The following RPRD1A variants were observed in gnomAD, a reference collection of about 807,000 sequenced individuals.
The protein encoded by RPRD1A is regulation of nuclear pre-mRNA domain containing 1A.
In RPRD1A, 9 loss-of-function variants were observed where a neutral mutation model predicts 37.8. The observed-to-expected ratio is 0.24, with a 90% CI of 0.14 to 0.42. The LOEUF (loss-of-function observed/expected upper bound fraction) is 0.42, where lower values mean the gene tolerates loss of function less well. Ranked by LOEUF, RPRD1A falls within the 10% of genes least tolerant of loss-of-function variation. The pLI, the probability that RPRD1A is intolerant of heterozygous loss-of-function variation, is 1.00. For missense variants in RPRD1A, 255 were observed against 371.0 expected, an observed-to-expected ratio of 0.69 and a Z score of 2.57; for synonymous variants, 138 against 139.7, an observed-to-expected ratio of 0.99 and a Z score of 0.08.
intron 1 of RPRD1A, among the ~76,000 whole-genome samples, chr18:36,058,521 A>AC (rs1306399355): frequency 1.3e-5 from 2 of 152,222 alleles, no homozygotes; most frequent in East Asian, 3.8e-4. Context: ...CAAATCAACA[A>AC]CTTTTTTTAA....
At chr18:36,033,230 C>A (rs527262846) in intron 2 of RPRD1A, among the ~76,000 whole-genome samples, 21 of 136,710 alleles carry the variant, frequency 1.5e-4, no homozygotes, top group African/African-American at 5.8e-4. Context: ...TGAACCCAAG[C>A]GGCAGAGGTT....
At chr18:36,062,027 T>TA (rs2088921012) in intron 1 of RPRD1A, among the ~76,000 whole-genome samples, 1 of 152,156 alleles carries the variant, frequency 6.6e-6, no homozygotes, top group African/African-American at 2.4e-5. Context: ...GAATGTATTT[T>TA]AAAAACATGG....
Position 35,991,991 on chromosome 18 carries a change from C to T in RPRD1A, c.*1160G>A, listed in dbSNP as rs1908742761. On this transcript the variant is annotated 3_prime_UTR_variant, in exon 7 of 7. Transcript: ENST00000399022. Reference sequence around the variant, plus strand: ...TATTGAGTACAAATCCACAGCTTAACAATGTGTTTTTAACAGCAGGAGAGC... The same window carrying T: ...TATTGAGTACAAATCCACAGCTTAATAATGTGTTTTTAACAGCAGGAGAGC... 1 of 152,592 alleles carries T rather than the reference C, an allele frequency of 6.6e-6. No homozygotes were observed. The highest frequency in any genetic ancestry group is 2.4e-5 in the African/African-American group (1 of 41,440). 9.5% of individuals were successfully genotyped at this position (152,592 alleles called of 1,614,324 possible).
chr18:35,995,261 G>GTTTTTT (rs1232555714), intron 6 of RPRD1A, among the ~76,000 whole-genome samples: 5 of 109,208 alleles, frequency 4.6e-5, no homozygotes, highest in Non-Finnish European at 9.3e-5. Context: ...GCTTTTTTTC[G>GTTTTTT]TTTTTTTTTT....
intron 6 of RPRD1A, among the ~76,000 whole-genome samples, chr18:36,003,225 C>T (rs1485551424): frequency 6.6e-6 from 1 of 152,142 alleles, no homozygotes; most frequent in Non-Finnish European, 1.5e-5. Flanking sequence ...ACAGAAATCC[C>T]GCTGTGGTTT....
At position 35,991,837 on chromosome 18, in the gene RPRD1A, G is replaced by A. The variant is rs947873700; in HGVS notation, c.*1314C>T. On this transcript the variant is annotated 3_prime_UTR_variant, in exon 7 of 7. Transcript: ENST00000399022. ...AAACAATGAAGCCATTCAGACTAGA[G>A]AGACATAATTGGCTTGTGGGATTTT... The A allele has an allele frequency of 6.6e-6, 1 of 152,158 alleles. No homozygotes were observed. Among genetic ancestry groups the A allele is most frequent in the Non-Finnish European group, 1.5e-5 (1 of 68,028 alleles). The allele number at this position is 152,158 out of a possible 1,614,324, so 9.4% of individuals were successfully genotyped here. A position where few individuals can be genotyped will look rare whatever the true frequency, so the allele number is the denominator to read the frequency against.
At chr18:36,060,884 C>T (rs2088894785) in intron 1 of RPRD1A, among the ~76,000 whole-genome samples, 1 of 151,992 alleles carries the variant, frequency 6.6e-6, no homozygotes, top group African/African-American at 2.4e-5. Context: ...GTCCCAGCTA[C>T]TCGGGAGGCT....
intron 1 of RPRD1A, among the ~76,000 whole-genome samples, chr18:36,048,789 G>A (rs547196421): frequency 1.7e-4 from 26 of 152,102 alleles, no homozygotes; most frequent in Admixed American, 5.2e-4. Flanking sequence ...GTACAATAGG[G>A]CAAGAAAAGG....
intron 6 of RPRD1A, among the ~76,000 whole-genome samples, chr18:35,998,500 A>G (rs1909227955): frequency 1.3e-5 from 2 of 152,112 alleles, no homozygotes; most frequent in Admixed American, 6.5e-5. Flanking sequence ...CGTTTTCCTC[A>G]TTCAACAAGG....
rs1908756249 is a variant in RPRD1A at position 35,992,239 on chromosome 18, A to AGCT, written c.*911_*912insAGC. The AGCT allele has an allele frequency of 2.6e-5, 4 of 152,636 alleles. No homozygotes were observed. Among genetic ancestry groups the AGCT allele is most frequent in the Non-Finnish European group, 5.9e-5 (4 of 68,014 alleles). 9.5% of individuals were successfully genotyped at this position (152,636 alleles called of 1,614,324 possible). On this transcript the variant is annotated 3_prime_UTR_variant, in exon 7 of 7. Coordinates refer to ENST00000399022, the MANE Select transcript of RPRD1A (RefSeq NM_018170.5). ...ATTGTGTTCTTGAGCTATTAGAGCTAAAAGTATTATTTTTAAAGTTATATG... is the reference window on the plus strand; with the variant it reads ...ATTGTGTTCTTGAGCTATTAGAGCTAGCTAAAGTATTATTTTTAAAGTTATATG...
intron 6 of RPRD1A, among the ~76,000 whole-genome samples, chr18:36,009,790 A>C (rs1309975010): frequency 6.6e-6 from 1 of 152,206 alleles, no homozygotes; most frequent in Non-Finnish European, 1.5e-5. Flanking sequence ...AAATGTGCCT[A>C]CTGCTACTGA....
chr18:36,027,031 A>G lies in RPRD1A; in HGVS notation c.658T>C (p.Cys220Arg), dbSNP rs750743635. The G allele has an allele frequency of 6.2e-7, 1 of 1,614,018 alleles. No homozygotes were observed. Among genetic ancestry groups the G allele is most frequent in the Non-Finnish European group, 8.5e-7 (1 of 1,179,912 alleles). Residue 220 changes from cysteine (C) to arginine (R), a missense_variant, in exon 6 of 7, where the codon TGT becomes CGT. Around this residue, in one of 2 missense-constraint regions of RPRD1A, gnomAD observed 211 missense variants for 268.9 expected, o/e 0.78. Transcript: ENST00000399022. The stretch of plus-strand genomic sequence containing the variant: ...CCATTGTAATCTGCCAGCAACATAC[A>G]CGCATCCTCTACCATTTTGGAAAGC... ...ERLSKMVEDA[C>R]MLLADYNGRL...
chr18:36,029,624 T>TAAAAAA (rs79491198), intron 4 of RPRD1A, among the ~76,000 whole-genome samples: 2 of 113,076 alleles, frequency 1.8e-5, no homozygotes, highest in Non-Finnish European at 3.7e-5. Context: ...AATGCCCACT[T>TAAAAAA]AAAAAAAAAA....
chr18:36,042,161 T>G (rs1455049486), intron 1 of RPRD1A, among the ~76,000 whole-genome samples: 1 of 152,200 alleles, frequency 6.6e-6, no homozygotes, highest in Non-Finnish European at 1.5e-5. Flanking sequence ...CCTACCATAT[T>G]TTAGACCTCA....
chr18:36,044,896 T>C (rs919792363), intron 1 of RPRD1A, among the ~76,000 whole-genome samples: 2 of 151,846 alleles, frequency 1.3e-5, no homozygotes, highest in Non-Finnish European at 2.9e-5. Context: ...ATAAAAACAA[T>C]AGTCTGAAAT....
At chr18:36,042,580 G>C (rs533001302) in intron 1 of RPRD1A, among the ~76,000 whole-genome samples, 1 of 152,156 alleles carries the variant, frequency 6.6e-6, no homozygotes, top group Non-Finnish European at 1.5e-5. Flanking sequence ...GCACTCATTC[G>C]TACGTTTTTT....
chr18:36,019,764 G>C (rs1340611293), intron 6 of RPRD1A, among the ~76,000 whole-genome samples: 5 of 152,234 alleles, frequency 3.3e-5, no homozygotes, highest in Non-Finnish European at 5.9e-5. Context: ...GGACGGCCGG[G>C]TGTGGTGGCT....
chr18:36,012,229 C>G (rs944771603), intron 6 of RPRD1A, among the ~76,000 whole-genome samples: 6 of 152,160 alleles, frequency 3.9e-5, no homozygotes, highest in Non-Finnish European at 8.8e-5. Context: ...CATCATAGCA[C>G]AATGCATTAC....
chr18:36,001,278 G>A (rs937179626), intron 6 of RPRD1A, among the ~76,000 whole-genome samples: 8 of 152,170 alleles, frequency 5.3e-5, no homozygotes, highest in Non-Finnish European at 1.2e-4. Flanking sequence ...GAGTAAGCCA[G>A]GAGCTGATAA....
Sources: allele counts gnomAD v4.1 joint callset (sites outside exome capture counted in the v4.1 genomes callset), GRCh38; gene constraint gnomAD v4.1.1; regional missense constraint gnomAD v4.1.1; transcripts MANE v1.5; gene names NCBI Gene and HGNC (gene_info 2026-07-23, HGNC 2026-07-21).